Variants in ZNF326 observed in about 807,000 individuals in gnomAD.
ZNF326 encodes the protein zinc finger protein 326, also known as DBIRD complex subunit ZNF326.
In ZNF326, 30 loss-of-function variants were observed where a neutral mutation model predicts 63.1. That is an observed-to-expected ratio of 0.48 (90% confidence interval 0.36 to 0.64). ZNF326 has a LOEUF of 0.64. Ranked by LOEUF, ZNF326 falls within the 30% of genes least tolerant of loss-of-function variation. ZNF326 has a pLI of 0.00. For synonymous variants in ZNF326, 194 were observed against 228.2 expected, an observed-to-expected ratio of 0.85 and a Z score of 1.35; for missense variants, 609 against 720.3, an observed-to-expected ratio of 0.85 and a Z score of 1.77.
intron 2 of ZNF326, among the ~76,000 whole-genome samples, chr1:90,004,208 C>T (rs1478901770): frequency 2.0e-5 from 3 of 151,084 alleles, no homozygotes; most frequent in Admixed American, 6.6e-5. Context: ...TTAGTGTTCA[C>T]ATTGCTAGAA....
Position 89,996,589 on chromosome 1 carries a change from T to G in ZNF326, c.16+1316T>G, listed in dbSNP as rs1056626928. 2.0e-5 allele frequency among the ~76,000 whole-genome samples: 3 copies of G among 152,054 alleles called. No individual in the cohort carries two copies. In the East Asian group the frequency reaches 5.8e-4, roughly 29 times the overall value. On this transcript the variant is annotated intron_variant, in intron 1 of 11. Coordinates refer to ENST00000340281, the MANE Select transcript of ZNF326 (RefSeq NM_182976.4). ...GTAGATACCTTTAAACTATGAATAT[T>G]TGGGCTGGGCACGATGGCTCACACC...
rs867325780 is a variant in ZNF326, at chr1:90,010,373, A to G, written c.814+87A>G. Reference sequence around the variant, plus strand: ...TTTTTGGTAATTTTTTCATGTTTATATACAGAAACTACATAACAATTATGA... The same window carrying G: ...TTTTTGGTAATTTTTTCATGTTTATGTACAGAAACTACATAACAATTATGA... On this transcript the variant is annotated intron_variant, in intron 6 of 11. Transcript: ENST00000340281. The G allele has an allele frequency of 4.5e-6, 6 of 1,329,956 alleles. No individual in the cohort carries two copies. The South Asian group carries it at 8.2e-5, about 18-fold the overall frequency. The allele number at this position is 1,329,956 out of a possible 1,614,324, so 82.4% of individuals were successfully genotyped here. A position where few individuals can be genotyped will look rare whatever the true frequency, so the allele number is the denominator to read the frequency against.
intron 7 of ZNF326, among the ~76,000 whole-genome samples, chr1:90,016,220 A>G (rs1413727544): frequency 6.6e-6 from 1 of 152,132 alleles, no homozygotes; most frequent in Non-Finnish European, 1.5e-5. Context: ...ACCAAGGCCC[A>G]GAAAACCAAG....
chr1:90,003,097 G>A (rs900396361), intron 2 of ZNF326, among the ~76,000 whole-genome samples: 8 of 148,960 alleles, frequency 5.4e-5, no homozygotes, highest in African/African-American at 1.5e-4. Flanking sequence ...AATGTCGGTC[G>A]TTTTCGTTAA....
intron 4 of ZNF326, chr1:90,005,914 A>T: frequency 1.0e-6 from 1 of 985,436 alleles, no homozygotes; most frequent in Non-Finnish European, 1.2e-6. Context: ...TCCTGTTACT[A>T]CTGTATAAAG....
rs1266200270 is a variant in ZNF326, at chr1:90,013,174, C to T, written c.863C>T (p.Ala288Val). 1.2e-6 allele frequency: 2 copies of T among 1,612,638 alleles called. No individual in the cohort carries two copies. The highest frequency in any genetic ancestry group is 1.7e-6 in the Non-Finnish European group (2 of 1,179,352). Residue 288 changes from alanine (A) to valine (V), a missense_variant, in exon 7 of 12, where the codon GCT becomes GTT. Coordinates refer to ENST00000340281, the MANE Select transcript of ZNF326 (RefSeq NM_182976.4). Reference sequence around the variant, plus strand: ...GAGGAAGAAAAGCGGCGAATTGAGGCTCGGCGAGAGAAACAAAGGCGCAGA... The same window carrying T: ...GAGGAAGAAAAGCGGCGAATTGAGGTTCGGCGAGAGAAACAAAGGCGCAGA... ...NEEEEKRRIEARREKQRRRRE... is the reference protein window; with the variant it reads ...NEEEEKRRIEVRREKQRRRRE...
chr1:90,031,147 T>G lies in ZNF326; in HGVS notation c.*3446T>G, dbSNP rs538656805. On this transcript the variant is annotated 3_prime_UTR_variant, in exon 12 of 12. Coordinates refer to ENST00000340281, the MANE Select transcript of ZNF326 (RefSeq NM_182976.4). ...GGTTTGGGGGATTCTTCATAATACT[T>G]TCTGAAAGCACTGGAATCTATAACA... The G allele has an allele frequency of 6.6e-6, 1 of 152,332 alleles. No individual in the cohort carries two copies. Among genetic ancestry groups the G allele is most frequent in the East Asian group, 1.9e-4 (1 of 5,184 alleles). 9.4% of individuals were successfully genotyped at this position (152,332 alleles called of 1,614,324 possible). A position where few individuals can be genotyped will look rare whatever the true frequency, so the allele number is the denominator to read the frequency against.
chr1:90,000,155 A>G (rs570938381), intron 2 of ZNF326, among the ~76,000 whole-genome samples: 1 of 152,342 alleles, frequency 6.6e-6, no homozygotes, highest in South Asian at 2.1e-4. Context: ...GTGAGTATGC[A>G]AGCCATGAAG....
At chr1:90,017,122 A>AGTG (rs767907753) in intron 7 of ZNF326, among the ~76,000 whole-genome samples, 195 bp from the exon 8 acceptor site, 8 of 152,224 alleles carry the variant, frequency 5.3e-5, no homozygotes, top group Non-Finnish European at 1.2e-4. Flanking sequence ...AGAAATGCAA[A>AGTG]GTGGTATATG....
intron 1 of ZNF326, among the ~76,000 whole-genome samples, chr1:89,996,642 G>A (rs1648389510): frequency 6.6e-6 from 1 of 152,090 alleles, no homozygotes; most frequent in South Asian, 2.1e-4. Flanking sequence ...GGGAGGCGGA[G>A]GCAGAAGAAT....
intron 11 of ZNF326, among the ~76,000 whole-genome samples, chr1:90,024,980 G>GTTTTTTTTT (rs563668519): frequency 3.9e-5 from 5 of 128,536 alleles, no homozygotes; most frequent in Non-Finnish European, 3.2e-5. Flanking sequence ...TTTTTTTCCT[G>GTTTTTTTTT]TTTTTTTTTT....
chr1:90,027,766 T>C lies in ZNF326; in HGVS notation c.*65T>C. The C allele has an allele frequency of 6.7e-7, 1 of 1,484,946 alleles. No homozygotes were observed. Among genetic ancestry groups the C allele is most frequent in the Non-Finnish European group, 9.3e-7 (1 of 1,073,554 alleles). The allele number at this position is 1,484,946 out of a possible 1,614,324, so 92.0% of individuals were successfully genotyped here. A position where few individuals can be genotyped will look rare whatever the true frequency, so the allele number is the denominator to read the frequency against. ...TTCTAATGTAAAAAAGGGTAAGAAA[T>C]TTAATAGCTTAAAATATGAATTAAC... On this transcript the variant is annotated 3_prime_UTR_variant, in exon 12 of 12. Transcript: ENST00000340281.
intron 2 of ZNF326, among the ~76,000 whole-genome samples, chr1:90,003,681 G>C (rs1570294477): frequency 6.6e-6 from 1 of 152,180 alleles, no homozygotes; most frequent in African/African-American, 2.4e-5. Context: ...GGGTAGCAGA[G>C]GAAAATGTTT....
intron 2 of ZNF326, among the ~76,000 whole-genome samples, chr1:89,999,653 G>T (rs1648572401): frequency 6.6e-6 from 1 of 152,112 alleles, no homozygotes; most frequent in Non-Finnish European, 1.5e-5. Flanking sequence ...CAGGGCAAGT[G>T]GTCTTTGGCT....
chr1:90,025,628 A>G (rs1649982171), intron 11 of ZNF326, among the ~76,000 whole-genome samples: 1 of 152,202 alleles, frequency 6.6e-6, no homozygotes, highest in Admixed American at 6.5e-5. Flanking sequence ...TTCATAGGAA[A>G]TTTTAAAGAT....
intron 5 of ZNF326, among the ~76,000 whole-genome samples, 165 bp from the exon 6 acceptor site, chr1:90,009,923 A>G (rs1214033815): frequency 6.6e-6 from 1 of 152,214 alleles, no homozygotes; most frequent in East Asian, 1.9e-4. Flanking sequence ...GTAATAATTT[A>G]CAGAGTTTTT....
chr1:89,995,806 A>G lies in ZNF326; in HGVS notation c.16+533A>G, dbSNP rs140406063. Among the ~76,000 whole-genome samples, 761 of 152,350 alleles carry G rather than the reference A, an allele frequency of 5.0e-3. 6 individuals are homozygous for G. Among genetic ancestry groups the G allele is most frequent in the African/African-American group, 0.017 (716 of 41,584 alleles). On this transcript the variant is annotated intron_variant, in intron 1 of 11. Transcript: ENST00000340281. ...GGGTGTCTGTAAGTGATATGTATAGATAAATATCTATGCAAAATGGAAAGC... is the reference window on the plus strand; with the variant it reads ...GGGTGTCTGTAAGTGATATGTATAGGTAAATATCTATGCAAAATGGAAAGC...
At chr1:90,023,561 A>G (rs184088646) in intron 11 of ZNF326, among the ~76,000 whole-genome samples, 45 of 152,214 alleles carry the variant, frequency 3.0e-4, no homozygotes, top group Admixed American at 2.1e-3. Flanking sequence ...ACACTACTTT[A>G]AAAAAATGAA....
At chr1:90,006,300 AGTAAT>A (rs1648984499) in intron 4 of ZNF326, 1 of 979,070 alleles carries the variant, frequency 1.0e-6, no homozygotes, top group Admixed American at 6.2e-5. Context: ...AAATAATTGA[AGTAAT>A]GTAACACTTA....
Sources: gnomAD v4.1 joint callset for allele counts (sites outside exome capture counted in the v4.1 genomes callset) on GRCh38, gnomAD v4.1.1 for gene constraint, MANE v1.5 for transcripts, NCBI Gene and HGNC (gene_info 2026-07-23, HGNC 2026-07-21) for gene names.